RTN4RL1: variants seen among roughly 807,000 people sequenced by gnomAD.
RTN4RL1 encodes the protein reticulon 4 receptor like 1.
In RTN4RL1, 7 loss-of-function variants were observed where a neutral mutation model predicts 25.6. The observed-to-expected ratio is 0.27, with a 90% CI of 0.16 to 0.51. The LOEUF (loss-of-function observed/expected upper bound fraction) is 0.51, where lower values mean the gene tolerates loss of function less well. RTN4RL1 is among the 20% of genes least tolerant of loss of function. The pLI is 0.97. For missense variants in RTN4RL1, 500 were observed against 615.6 expected (o/e 0.81, Z 1.99); for synonymous variants, 297 against 288.2 (o/e 1.03, Z -0.31).
intron 1 of RTN4RL1, among the ~76,000 whole-genome samples, chr17:2,002,513 C>G (rs1473822972): frequency 2.0e-5 from 3 of 150,592 alleles, no homozygotes; most frequent in Non-Finnish European, 4.4e-5. Flanking sequence ...AGGATGGTCT[C>G]AATCTCCTGA....
chr17:1,967,763 C>T (rs377058476), intron 1 of RTN4RL1, among the ~76,000 whole-genome samples: 1 of 152,124 alleles, frequency 6.6e-6, no homozygotes, highest in East Asian at 1.9e-4. Flanking sequence ...CCTCAGCTTC[C>T]CAAGTAGCCG....
chr17:1,939,736 G>A (rs907046669), intron 1 of RTN4RL1, among the ~76,000 whole-genome samples: 2 of 152,204 alleles, frequency 1.3e-5, no homozygotes, highest in African/African-American at 4.8e-5. Flanking sequence ...CCCTCATTAC[G>A]GACGATCGTC....
chr17:2,005,422 A>T (rs1215292091), intron 1 of RTN4RL1, among the ~76,000 whole-genome samples: 1 of 152,224 alleles, frequency 6.6e-6, no homozygotes, highest in Non-Finnish European at 1.5e-5. Flanking sequence ...TAATTCCCAG[A>T]TTTCAACCTG....
intron 1 of RTN4RL1, among the ~76,000 whole-genome samples, chr17:1,947,188 GTGTC>G (rs1483063194): frequency 3.3e-5 from 5 of 152,148 alleles, no homozygotes; most frequent in Admixed American, 6.6e-5. Flanking sequence ...GTGTGACTGT[GTGTC>G]TGTGTGTGCA....
chr17:1,977,969 C>T (rs1318942833), intron 1 of RTN4RL1, among the ~76,000 whole-genome samples: 1 of 151,326 alleles, frequency 6.6e-6, no homozygotes, highest in Admixed American at 6.6e-5. Context: ...TCCTGCACCC[C>T]GCACCCCTCA....
chr17:1,988,444 A>G (rs1321457631), intron 1 of RTN4RL1, among the ~76,000 whole-genome samples: 7 of 148,920 alleles, frequency 4.7e-5, no homozygotes, highest in Non-Finnish European at 1.0e-4. Flanking sequence ...AGGAGCCACG[A>G]ATATGTTCAG....
intron 1 of RTN4RL1, among the ~76,000 whole-genome samples, chr17:1,955,846 C>T (rs4790299): frequency 6.6e-6 from 1 of 151,372 alleles, no homozygotes; most frequent in Non-Finnish European, 1.5e-5. Context: ...AGCCTCCCAA[C>T]GTGCTGCGAT....
chr17:1,954,545 G>A (rs1326156270), intron 1 of RTN4RL1, among the ~76,000 whole-genome samples: 2 of 151,964 alleles, frequency 1.3e-5, no homozygotes, highest in African/African-American at 2.4e-5. Context: ...TCACCACCAC[G>A]CCAAGCTAGT....
chr17:1,990,713 T>G (rs574161144), intron 1 of RTN4RL1, among the ~76,000 whole-genome samples: 1 of 152,128 alleles, frequency 6.6e-6, no homozygotes, highest in South Asian at 2.1e-4. Flanking sequence ...AAAACAAAAC[T>G]TACTGTAATA....
chr17:1,999,469 C>T lies in RTN4RL1; in HGVS notation c.13+25384G>A, dbSNP rs548270589. ...TCGAAAAAAATAAAACACACACACA[C>T]ACACACACATGAACTGCCCCATCCC... On this transcript the variant is annotated intron_variant, in intron 1 of 1. Coordinates refer to ENST00000331238, the MANE Select transcript of RTN4RL1 (RefSeq NM_178568.4). Among the ~76,000 whole-genome samples the T allele has an allele frequency of 2.0e-5, 3 of 152,086 alleles. No homozygotes were observed. The East Asian group carries it at 5.8e-4, about 29-fold the overall frequency.
Position 1,936,617 on chromosome 17 carries a change from C to G in RTN4RL1, c.1205G>C (p.Gly402Ala). ...GATGGGGGTCCTGCGGGCACACTTGCCCTTCCTCTTGGGCCGGGCCGTAGG... is the reference window on the plus strand; with the variant it reads ...GATGGGGGTCCTGCGGGCACACTTGGCCTTCCTCTTGGGCCGGGCCGTAGG... ...IMPTARPKRK[G>A]KCARRTPIRA... The change falls in exon 2 of 2, where the codon GGC (glycine) becomes GCC (alanine). Residue 402 changes from glycine to alanine, a missense_variant. By Grantham distance (60) the Gly-to-Ala change is moderately conservative. This residue lies in a region of RTN4RL1 where 268 missense variants were observed against 274.5 expected (regional missense o/e 0.98). Coordinates refer to ENST00000331238, the MANE Select transcript of RTN4RL1 (RefSeq NM_178568.4). The G allele has an allele frequency of 6.3e-7, 1 of 1,593,636 alleles. No homozygotes were observed. Among genetic ancestry groups the G allele is most frequent in the South Asian group, 1.1e-5 (1 of 88,036 alleles).
chr17:1,966,762 A>G (rs1387986432), intron 1 of RTN4RL1, among the ~76,000 whole-genome samples: 4 of 152,042 alleles, frequency 2.6e-5, no homozygotes, highest in Admixed American at 1.3e-4. Context: ...TCATCCTGTG[A>G]TGGGAATGGA....
chr17:1,989,820 C>T (rs1478197985), intron 1 of RTN4RL1, among the ~76,000 whole-genome samples: 2 of 152,164 alleles, frequency 1.3e-5, no homozygotes, highest in South Asian at 2.1e-4. Context: ...GATCCACCAG[C>T]CTCAGCTTCC....
chr17:2,024,811 G>A (rs1434494689), intron 1 of RTN4RL1, 42 bp downstream of exon 1: 2 of 1,552,458 alleles, frequency 1.3e-6, no homozygotes, highest in East Asian at 2.4e-5. Context: ...GCTCTTTCCG[G>A]AGCGCATTCA....
chr17:2,024,879 C>A lies in RTN4RL1; in HGVS notation c.-14G>T. On this transcript the variant is annotated 5_prime_UTR_variant, in exon 1 of 2. Transcript: ENST00000331238. Reference sequence around the variant, plus strand: ...TTTGCGAAGCATGTTGGCCACGGGGCCGCCGCTCCGAGGTCGGCCTAGGCG... The same window carrying A: ...TTTGCGAAGCATGTTGGCCACGGGGACGCCGCTCCGAGGTCGGCCTAGGCG... 6.3e-7 allele frequency: 1 copy of A among 1,583,662 alleles called. No individual in the cohort carries two copies. The highest frequency in any genetic ancestry group is 8.6e-7 in the Non-Finnish European group (1 of 1,165,898).
At chr17:1,954,383 C>CTTTTT (rs55654151) in intron 1 of RTN4RL1, among the ~76,000 whole-genome samples, 11 of 124,324 alleles carry the variant, frequency 8.8e-5, no homozygotes, top group South Asian at 2.6e-4. Context: ...TGCTTCCTTC[C>CTTTTT]TTTTTTTTTT....
chr17:1,993,619 G>T (rs1312141158), intron 1 of RTN4RL1, among the ~76,000 whole-genome samples: 1 of 151,972 alleles, frequency 6.6e-6, no homozygotes, highest in South Asian at 2.1e-4. Flanking sequence ...ACATAGTAAC[G>T]GTTCAATAAA....
intron 1 of RTN4RL1, among the ~76,000 whole-genome samples, chr17:1,966,886 C>G (rs2066793678): frequency 6.6e-6 from 1 of 152,160 alleles, no homozygotes; most frequent in Non-Finnish European, 1.5e-5. Context: ...CCTTCAGGGG[C>G]CCTTCCAAAC....
intron 1 of RTN4RL1, among the ~76,000 whole-genome samples, chr17:1,970,034 T>TCG (rs2066811398): frequency 6.6e-6 from 1 of 150,970 alleles, no homozygotes; most frequent in Non-Finnish European, 1.5e-5. Context: ...TTTTTTTTTT[T>TCG]TTTTTGAGAT....
Sources: allele counts gnomAD v4.1 joint callset (sites outside exome capture counted in the v4.1 genomes callset), GRCh38; gene constraint gnomAD v4.1.1; regional missense constraint gnomAD v4.1.1; transcripts MANE v1.5; gene names NCBI Gene and HGNC (gene_info 2026-07-23, HGNC 2026-07-21).